OTUD7A: variants seen among roughly 807,000 people sequenced by gnomAD.
The protein encoded by OTUD7A is OTU deubiquitinase 7A.
OTUD7A carries 12 observed loss-of-function variants against 65.7 expected under a neutral mutation model. The ratio of observed to expected loss-of-function variants is 0.18; its 90% CI spans 0.12 to 0.30. The LOEUF (loss-of-function observed/expected upper bound fraction) is 0.30, where lower values mean the gene tolerates loss of function less well. OTUD7A is among the 10% of genes least tolerant of loss of function. The pLI, the probability that OTUD7A is intolerant of heterozygous loss-of-function variation, is 1.00. For synonymous variants in OTUD7A, 641 were observed against 586.3 expected (o/e 1.09, Z -1.35); for missense variants, 1,148 against 1,304.8 (o/e 0.88, Z 1.85).
chr15:31,659,812 T>C (rs1892107171), intron 1 of OTUD7A, among the ~76,000 whole-genome samples: 1 of 152,182 alleles, frequency 6.6e-6, no homozygotes, highest in African/African-American at 2.4e-5. Context: ...GTCTGTTTGA[T>C]GATACAGCAC....
At chr15:31,533,667 G>A (rs865886069) in intron 5 of OTUD7A, among the ~76,000 whole-genome samples, 2 of 152,158 alleles carry the variant, frequency 1.3e-5, no homozygotes, top group Non-Finnish European at 1.5e-5. Flanking sequence ...AATGGCTAAA[G>A]GAAGTTCTCT....
intron 1 of OTUD7A, among the ~76,000 whole-genome samples, chr15:31,797,686 C>G (rs1018969450): frequency 1.3e-5 from 2 of 152,224 alleles, no homozygotes; most frequent in Non-Finnish European, 2.9e-5. Context: ...AAACTCTATC[C>G]TAAGCCTGGA....
At chr15:31,548,429 G>A (rs998706389) in intron 5 of OTUD7A, among the ~76,000 whole-genome samples, 1 of 152,036 alleles carries the variant, frequency 6.6e-6, no homozygotes, top group Non-Finnish European at 1.5e-5. Context: ...TGGGTCACGT[G>A]GCAGAAAGTA....
At chr15:31,727,169 C>T (rs1483346015) in intron 1 of OTUD7A, among the ~76,000 whole-genome samples, 1 of 152,232 alleles carries the variant, frequency 6.6e-6, no homozygotes, top group African/African-American at 2.4e-5. Context: ...GCCATGCATC[C>T]ATTCTCAGCC....
intron 1 of OTUD7A, among the ~76,000 whole-genome samples, chr15:31,796,660 C>T (rs947480326): frequency 1.3e-5 from 2 of 152,200 alleles, no homozygotes; most frequent in Non-Finnish European, 2.9e-5. Context: ...AAGTAGCCAC[C>T]AAGTCAATGG....
intron 1 of OTUD7A, among the ~76,000 whole-genome samples, chr15:31,748,512 G>A (rs1894541407): frequency 6.6e-6 from 1 of 151,770 alleles, no homozygotes; most frequent in Non-Finnish European, 1.5e-5. Context: ...AGTTGCAATT[G>A]GTTGATTTGA....
intron 5 of OTUD7A, among the ~76,000 whole-genome samples, chr15:31,541,016 A>G (rs1489468138): frequency 6.6e-6 from 1 of 152,242 alleles, no homozygotes; most frequent in East Asian, 1.9e-4. Flanking sequence ...TTATAGAAGC[A>G]TAGGGAGACA....
intron 1 of OTUD7A, among the ~76,000 whole-genome samples, chr15:31,727,854 C>T (rs2141356864): frequency 6.6e-6 from 1 of 152,298 alleles, no homozygotes; most frequent in East Asian, 1.9e-4. Flanking sequence ...TCTGACTCTT[C>T]TTGGCTGGCC....
intron 1 of OTUD7A, among the ~76,000 whole-genome samples, chr15:31,687,536 C>T (rs1026449422): frequency 6.6e-6 from 1 of 152,220 alleles, no homozygotes; most frequent in African/African-American, 2.4e-5. Flanking sequence ...CTGCGATGGT[C>T]ACTCCCAGTC....
chr15:31,683,810 A>G (rs548029244), intron 1 of OTUD7A, among the ~76,000 whole-genome samples: 1 of 152,128 alleles, frequency 6.6e-6, no homozygotes, highest in Admixed American at 6.5e-5. Context: ...GGTACTTTTT[A>G]TATCAAAATA....
intron 8 of OTUD7A, among the ~76,000 whole-genome samples, chr15:31,504,103 C>T (rs1001449547): frequency 5.9e-5 from 9 of 152,308 alleles, no homozygotes; most frequent in East Asian, 3.9e-4. Context: ...TCTCTGCAGG[C>T]GGAGGCAGCC....
At chr15:31,862,360 G>A (rs1897764653) in intron 1 of OTUD7A, among the ~76,000 whole-genome samples, 1 of 152,214 alleles carries the variant, frequency 6.6e-6, no homozygotes, top group African/African-American at 2.4e-5. Context: ...CTCTGAGTGA[G>A]AGGAACTTCA....
chr15:31,570,651 A>G (rs1889023101), intron 3 of OTUD7A, among the ~76,000 whole-genome samples: 1 of 152,234 alleles, frequency 6.6e-6, no homozygotes, highest in African/African-American at 2.4e-5. Flanking sequence ...TTTAAGCTTA[A>G]TATGAGCGAA....
At chr15:31,752,345 T>C (rs1319240501) in intron 1 of OTUD7A, among the ~76,000 whole-genome samples, 1 of 152,190 alleles carries the variant, frequency 6.6e-6, no homozygotes, top group Non-Finnish European at 1.5e-5. Context: ...AGAAATGTAG[T>C]TGTAAAAGTG....
intron 3 of OTUD7A, among the ~76,000 whole-genome samples, chr15:31,633,120 C>A (rs1179618577): frequency 6.6e-6 from 1 of 152,208 alleles, no homozygotes; most frequent in East Asian, 1.9e-4. Flanking sequence ...CAGTGCGCTG[C>A]ACCCACTGTC....
At chr15:31,829,121 C>T (rs565807619) in intron 1 of OTUD7A, among the ~76,000 whole-genome samples, 1 of 152,312 alleles carries the variant, frequency 6.6e-6, no homozygotes, top group Admixed American at 6.5e-5. Flanking sequence ...ACACAGGCAG[C>T]AGGCAAAGCA....
chr15:31,817,819 C>T (rs1896588329), intron 1 of OTUD7A, among the ~76,000 whole-genome samples: 1 of 152,224 alleles, frequency 6.6e-6, no homozygotes, highest in African/African-American at 2.4e-5. Context: ...CCAAGTTGTA[C>T]ACAGAGGCAC....
chr15:31,588,583 G>C (rs904432841), intron 3 of OTUD7A, among the ~76,000 whole-genome samples: 4 of 152,270 alleles, frequency 2.6e-5, no homozygotes, highest in South Asian at 4.1e-4. Flanking sequence ...AATGAATCAG[G>C]GTAGGTTAAA....
intron 1 of OTUD7A, chr15:31,768,168 G>A (rs187317816): frequency 3.1e-5 from 46 of 1,484,396 alleles, no homozygotes; most frequent in African/African-American, 2.2e-4. Flanking sequence ...TTGGTGGCCC[G>A]ATAAGGCCCG....
Sources: allele counts gnomAD v4.1 joint callset (sites outside exome capture counted in the v4.1 genomes callset), GRCh38; gene constraint gnomAD v4.1.1; transcripts MANE v1.5; gene names NCBI Gene and HGNC (gene_info 2026-07-23, HGNC 2026-07-21).